The following LINS1 variants were observed in gnomAD, a reference collection of about 807,000 sequenced individuals.
LINS1 encodes protein Lines homolog 1.
Under a neutral mutation model 41.6 loss-of-function variants are expected in LINS1, and 27 were observed. That is an observed-to-expected ratio of 0.65 (90% CI 0.48 to 0.89). The LOEUF is 0.89. Among genes scored for constraint, LINS1 ranks in the 40% least tolerant of loss-of-function variants. LINS1 has a pLI of 0.00. For missense variants in LINS1, 955 were observed against 884.1 expected, an observed-to-expected ratio of 1.08 and a Z score of -1.02; for synonymous variants, 336 against 312.9, an observed-to-expected ratio of 1.07 and a Z score of -0.78.
rs2141310694 is a variant in LINS1 at position 100,580,882 on chromosome 15, T to A, written c.-40A>T. 2 of 1,571,564 alleles carry A rather than the reference T, an allele frequency of 1.3e-6. No homozygotes were observed. The highest frequency in any genetic ancestry group is 4.5e-5 in the East Asian group (2 of 44,370). ...TGTATCTTATAAGAAGGTCGACAAC[T>A]CCAAGTTGTAAACATTAAATCTCAG... is the stretch of plus-strand genomic sequence containing the variant. On this transcript the variant is annotated 5_prime_UTR_variant, in exon 2 of 7. Coordinates refer to ENST00000314742, the MANE Select transcript of LINS1 (RefSeq NM_001040616.3).
At position 100,587,157 on chromosome 15, in the gene LINS1, T is replaced by TAAAA. The variant is rs56781451; in HGVS notation, c.-103-6216_-103-6213dup. 2.6e-3 allele frequency among the ~76,000 whole-genome samples: 179 copies of TAAAA among 68,264 alleles called. 4 individuals are homozygous for TAAAA. Among genetic ancestry groups the TAAAA allele is most frequent in the East Asian group, 8.2e-3 (18 of 2,188 alleles). The allele number at this position is 68,264 out of a possible 152,430, so 44.8% of individuals were successfully genotyped here. On this transcript the variant is annotated intron_variant, in intron 1 of 6. Transcript: ENST00000314742. ...CTGGCAATAGAGGGAGACTCTGTCT[T>TAAAA]AAAAAAAAAAAAAAAAAAAAAAAAA...
chr15:100,598,624 C>A (rs1041286482), intron 1 of LINS1, among the ~76,000 whole-genome samples: 5 of 152,174 alleles, frequency 3.3e-5, no homozygotes, highest in African/African-American at 1.2e-4. Flanking sequence ...TCAAAAGCCT[C>A]CAGTTAGCTT....
chr15:100,570,004 C>T lies in LINS1; in HGVS notation c.1508G>A (p.Gly503Glu). ...GTCAAGAAGAACTGTGGAATCAAAT[C>T]CTATATTTTTCAAGAAGAACAAGAA... The part of the protein sequence containing the change: ...CIFLFFLKNI[G>E]FDSTVLLDFL... The change falls in exon 7 of 7, where the codon GGA (glycine) becomes GAA (glutamate). Residue 503 changes from glycine (G) to glutamate (E), a missense_variant. Coordinates refer to ENST00000314742, the MANE Select transcript of LINS1 (RefSeq NM_001040616.3). 1 of 1,556,696 alleles carries T rather than the reference C, an allele frequency of 6.4e-7. No individual in the cohort carries two copies. Among genetic ancestry groups the T allele is most frequent in the Non-Finnish European group, 8.7e-7 (1 of 1,155,332 alleles).
chr15:100,570,171 GT>G, intron 6 of LINS1, 54 bp from the exon 7 acceptor site: 2 of 1,308,296 alleles, frequency 1.5e-6, no homozygotes, highest in African/African-American at 1.5e-5. Flanking sequence ...AAAATAAACA[GT>G]TTTACCAGAT....
chr15:100,573,512 A>G, intron 5 of LINS1, 139 bp downstream of exon 5: 1 of 710,198 alleles, frequency 1.4e-6, no homozygotes, highest in South Asian at 2.7e-5. Flanking sequence ...TTTTTTTTGA[A>G]AATGTAATAA....
At chr15:100,589,544 G>A (rs185747930) in intron 1 of LINS1, among the ~76,000 whole-genome samples, 15 of 152,336 alleles carry the variant, frequency 9.8e-5, no homozygotes, top group Admixed American at 8.5e-4. Flanking sequence ...GGAGGACCAG[G>A]TTGGTCACCT....
intron 6 of LINS1, among the ~76,000 whole-genome samples, chr15:100,571,120 CCA>C (rs1443077942): frequency 1.3e-5 from 2 of 152,128 alleles, no homozygotes; most frequent in African/African-American, 4.8e-5. Flanking sequence ...AAAATTGGCC[CCA>C]AACACTCAAG....
chr15:100,572,825 A>G, intron 5 of LINS1: 2 of 876,826 alleles, frequency 2.3e-6, no homozygotes, highest in Admixed American at 6.2e-5. Flanking sequence ...CTTTGTCAAT[A>G]TAACTTCTCA....
chr15:100,576,348 CACT>C (rs947486972), intron 3 of LINS1, among the ~76,000 whole-genome samples: 1 of 152,144 alleles, frequency 6.6e-6, no homozygotes, highest in African/African-American at 2.4e-5. Context: ...GGAGTATCAC[CACT>C]GATTCCATAG....
At position 100,569,867 on chromosome 15, in the gene LINS1, C is replaced by T; in HGVS notation, c.1645G>A (p.Glu549Lys). The T allele has an allele frequency of 1.9e-6, 3 of 1,614,010 alleles. No homozygotes were observed. Among genetic ancestry groups the T allele is most frequent in the Non-Finnish European group, 2.5e-6 (3 of 1,179,908 alleles). The change falls in exon 7 of 7, where the codon GAA (glutamate) becomes AAA (lysine). Residue 549 changes from glutamate (E) to lysine (K), a missense_variant. Glu to Lys is a moderately conservative substitution (Grantham distance 56). Coordinates refer to ENST00000314742, the MANE Select transcript of LINS1 (RefSeq NM_001040616.3). ...CAAATACTTATGTCATATTTAGATTCAGTTGCATCAAAGTTATTGCAAATG... is the reference window on the plus strand; with the variant it reads ...CAAATACTTATGTCATATTTAGATTTAGTTGCATCAAAGTTATTGCAAATG... ...FTICNNFDAT[E>K]SKYDISICGC... is the part of the protein sequence containing the mutation.
intron 1 of LINS1, among the ~76,000 whole-genome samples, chr15:100,583,007 CT>C (rs2038634428): frequency 1.3e-5 from 2 of 151,888 alleles, no homozygotes; most frequent in Non-Finnish European, 2.9e-5. Flanking sequence ...TAGTCTTGCT[CT>C]TACACTGGGT....
intron 1 of LINS1, among the ~76,000 whole-genome samples, chr15:100,587,032 G>A (rs552278784): frequency 3.3e-5 from 5 of 151,882 alleles, no homozygotes; most frequent in African/African-American, 1.2e-4. Context: ...GGTGGCCTGC[G>A]CCTGTACTCC....
In LINS1 at chr15:100,573,796, A is replaced by T. The variant is rs1187713134; in HGVS notation, c.1077T>A (p.His359Gln). The T allele has an allele frequency of 2.5e-6, 4 of 1,614,120 alleles. No individual in the cohort carries two copies. The highest frequency in any genetic ancestry group is 3.4e-6 in the Non-Finnish European group (4 of 1,180,056). The stretch of plus-strand genomic sequence containing the variant: ...GAACTTCATCACCTCCAAAAAAGGA[A>T]TGTTTTTCATAAACAGACAGTGTCT... ...LLKTLSVYEK[H>Q]SFFGGDEVQP... Residue 359 changes from histidine (H) to glutamine (Q), a missense_variant, in exon 5 of 7, where the codon CAT becomes CAA. Physicochemically the swap from His to Gln is conservative, Grantham distance 24. Transcript: ENST00000314742.
At chr15:100,575,317 G>A (rs147208122) in intron 3 of LINS1, among the ~76,000 whole-genome samples, 189 bp from the exon 4 acceptor site, 1 of 151,546 alleles carries the variant, frequency 6.6e-6, no homozygotes, top group African/African-American at 2.4e-5. Context: ...TAAAATAAAG[G>A]GATGGAGGAA....
At chr15:100,578,147 TGGC>T (rs1417274888) in intron 3 of LINS1, among the ~76,000 whole-genome samples, 1 of 152,058 alleles carries the variant, frequency 6.6e-6, no homozygotes, top group Admixed American at 6.6e-5. Flanking sequence ...CCAAAAGCAA[TGGC>T]AACAAAAGCC....
At chr15:100,590,704 A>C (rs1275396808) in intron 1 of LINS1, among the ~76,000 whole-genome samples, 1 of 152,260 alleles carries the variant, frequency 6.6e-6, no homozygotes, top group Non-Finnish European at 1.5e-5. Flanking sequence ...ATGGAGAAAT[A>C]CATCAAATGA....
Position 100,573,975 on chromosome 15 carries a change from T to C in LINS1, c.898A>G (p.Ile300Val). Residue 300 changes from isoleucine to valine, a missense_variant, in exon 5 of 7, where the codon ATC (isoleucine) becomes GTC (valine). By Grantham distance (29) the Ile-to-Val change is conservative. Coordinates refer to ENST00000314742, the MANE Select transcript of LINS1 (RefSeq NM_001040616.3). ...AGAAGGCACTTTTTGAGGAATATGA[T>C]GACCTTCCTTTTAACAAAAGCCTGA... The part of the protein sequence containing the change: ...PIQAFVKRKV[I>V]IFLKKCLLCK... The C allele has an allele frequency of 1.2e-6, 2 of 1,614,224 alleles. No individual in the cohort carries two copies. Among genetic ancestry groups the C allele is most frequent in the East Asian group, 2.2e-5 (1 of 44,886 alleles).
chr15:100,598,102 G>C (rs1380239900), intron 1 of LINS1, among the ~76,000 whole-genome samples: 1 of 152,122 alleles, frequency 6.6e-6, no homozygotes, highest in Non-Finnish European at 1.5e-5. Flanking sequence ...TAGGTCCTCC[G>C]GTGATACTGT....
chr15:100,575,554 G>A lies in LINS1; in HGVS notation c.490-426C>T, dbSNP rs1216462433. On this transcript the variant is annotated intron_variant, in intron 3 of 6. Coordinates refer to ENST00000314742, the MANE Select transcript of LINS1 (RefSeq NM_001040616.3). ...CCTTAGAGACCTACAAAGAGACTTA[G>A]ACTCCCACACAATAATAATGGGAGA... Among the ~76,000 whole-genome samples, 4 of 152,074 alleles carry A rather than the reference G, an allele frequency of 2.6e-5. No homozygotes were observed. The East Asian group carries it at 7.7e-4, about 29-fold the overall frequency.
Sources: allele counts gnomAD v4.1 joint callset (sites outside exome capture counted in the v4.1 genomes callset), GRCh38; gene constraint gnomAD v4.1.1; transcripts MANE v1.5; gene names NCBI Gene and HGNC (gene_info 2026-07-23, HGNC 2026-07-21).